The following UNC13C variants were observed in gnomAD, a reference collection of about 807,000 sequenced individuals.
The protein encoded by UNC13C is unc-13 homolog C.
UNC13C carries 174 observed loss-of-function variants against 245.4 expected under a neutral mutation model. The observed-to-expected ratio is 0.71, with a 90% confidence interval of 0.63 to 0.80. The LOEUF (loss-of-function observed/expected upper bound fraction) is 0.80, where lower values mean the gene tolerates loss of function less well. UNC13C is among the 30% of genes least tolerant of loss of function. The probability of loss-of-function intolerance (pLI) is 0.00; values close to 1 mark genes in which losing one functional copy is unlikely to be tolerated. For synonymous variants in UNC13C, 992 were observed against 895.1 expected (o/e 1.11, Z -1.93); for missense variants, 2,829 against 2,602.9 (o/e 1.09, Z -1.89).
chr15:54,499,928 G>C (rs1354930259), intron 20 of UNC13C, 151 bp from the exon 21 acceptor site: 2 of 609,586 alleles, frequency 3.3e-6, no homozygotes, highest in African/African-American at 3.9e-5. Context: ...ATGGAGAACA[G>C]GTAAAGGTCT....
At chr15:54,514,622 G>T (rs1894888531) in intron 24 of UNC13C, among the ~76,000 whole-genome samples, 1 of 152,180 alleles carries the variant, frequency 6.6e-6, no homozygotes, top group Admixed American at 6.5e-5. Flanking sequence ...CAAAGTGCTG[G>T]CTGCTTACAG....
At chr15:54,514,281 A>G (rs928763509) in intron 24 of UNC13C, among the ~76,000 whole-genome samples, 4 of 152,324 alleles carry the variant, frequency 2.6e-5, no homozygotes, top group Admixed American at 2.6e-4. Flanking sequence ...TGATACAGAC[A>G]TGTTCAGGGG....
chr15:53,908,594 C>T, the UNC13C span, among the ~76,000 whole-genome samples: 1 of 129,010 alleles, frequency 7.8e-6, no homozygotes, highest in African/African-American at 3.8e-5. Flanking sequence ...AACAAACAAA[C>T]ACAAAACATA....
At chr15:54,350,054 C>T (rs1290381331) in intron 17 of UNC13C, among the ~76,000 whole-genome samples, 1 of 151,878 alleles carries the variant, frequency 6.6e-6, no homozygotes, top group Non-Finnish European at 1.5e-5. Flanking sequence ...TGCAGTGGCA[C>T]GAACTGGGCT....
At chr15:54,096,106 T>A (rs768079669) in intron 2 of UNC13C, among the ~76,000 whole-genome samples, 4 of 152,162 alleles carry the variant, frequency 2.6e-5, no homozygotes, top group Admixed American at 6.5e-5. Flanking sequence ...GAATGCTGAA[T>A]TGGAGTTTGA....
At chr15:53,945,330 C>G in the UNC13C span, among the ~76,000 whole-genome samples, 1 of 152,096 alleles carries the variant, frequency 6.6e-6, no homozygotes, top group South Asian at 2.1e-4. Context: ...TTCCTATGTT[C>G]AGAATGGTAT....
chr15:54,315,427 C>G lies in UNC13C; in HGVS notation c.4269-6512C>G, dbSNP rs150603202. Reference sequence around the variant, plus strand: ...CAATCATCCTTTTATCAAGATTATCCTGATTCCAGTTTCCTGGGTTTACTT... The same window carrying G: ...CAATCATCCTTTTATCAAGATTATCGTGATTCCAGTTTCCTGGGTTTACTT... On this transcript the variant is annotated intron_variant, in intron 13 of 32. Coordinates refer to ENST00000260323, the MANE Select transcript of UNC13C (RefSeq NM_001080534.3). 8.4e-3 allele frequency among the ~76,000 whole-genome samples: 1,269 copies of G among 151,454 alleles called. 23 individuals are homozygous for G. Among genetic ancestry groups the G allele is most frequent in the African/African-American group, 0.03 (1,228 of 41,370 alleles).
rs554733181 is a variant in UNC13C, at chr15:54,215,831, A to G, written c.3072-19199A>G. On this transcript the variant is annotated intron_variant, in intron 4 of 32. Coordinates refer to ENST00000260323, the MANE Select transcript of UNC13C (RefSeq NM_001080534.3). ...GTCTCCTTTATTTGTCCTCCAATCC[A>G]TCATGAAAAGCACTGCCAGACTAGT... is the stretch of plus-strand genomic sequence containing the variant. Among the ~76,000 whole-genome samples the G allele has an allele frequency of 6.6e-5, 10 of 152,124 alleles. No homozygotes were observed. The South Asian group carries it at 2.1e-3, about 32-fold the overall frequency.
At chr15:53,908,265 T>G in the UNC13C span, among the ~76,000 whole-genome samples, 3 of 146,276 alleles carry the variant, frequency 2.1e-5, no homozygotes, top group African/African-American at 7.3e-5. Flanking sequence ...ATTTTTACCC[T>G]AGCAAACTTA....
chr15:54,419,982 CA>C (rs1567256535), intron 19 of UNC13C, among the ~76,000 whole-genome samples: 4 of 152,040 alleles, frequency 2.6e-5, no homozygotes, highest in Admixed American at 6.6e-5. Context: ...CTCCCTCTTA[CA>C]ACATACCCCC....
chr15:54,357,146 C>A (rs2039114391), intron 17 of UNC13C, among the ~76,000 whole-genome samples: 1 of 152,016 alleles, frequency 6.6e-6, no homozygotes, highest in African/African-American at 2.4e-5. Context: ...TTTTAAAAAT[C>A]TCATCCGATC....
intron 1 of UNC13C, among the ~76,000 whole-genome samples, chr15:54,006,987 C>T (rs573968317): frequency 2.6e-5 from 4 of 152,324 alleles, no homozygotes; most frequent in African/African-American, 9.6e-5. Flanking sequence ...TGATTCTGCC[C>T]TCCTACCTGA....
intron 29 of UNC13C, among the ~76,000 whole-genome samples, chr15:54,566,275 T>C (rs1897509200): frequency 2.0e-5 from 3 of 152,088 alleles, no homozygotes; most frequent in African/African-American, 7.2e-5. Context: ...TTAAATACTG[T>C]GTTTCTCAAA....
chr15:54,058,770 T>G (rs1357985673), intron 2 of UNC13C, among the ~76,000 whole-genome samples: 1 of 152,084 alleles, frequency 6.6e-6, no homozygotes, highest in South Asian at 2.1e-4. Context: ...ACCATGATCA[T>G]GTGGGCTTCA....
chr15:54,399,992 G>C (rs1229848219), intron 18 of UNC13C, among the ~76,000 whole-genome samples: 3 of 151,938 alleles, frequency 2.0e-5, no homozygotes, highest in African/African-American at 7.2e-5. Context: ...GTAGAGTCCT[G>C]TATATCCATT....
chr15:54,316,014 C>T (rs183796566), intron 13 of UNC13C, among the ~76,000 whole-genome samples: 1 of 151,938 alleles, frequency 6.6e-6, no homozygotes, highest in Admixed American at 6.6e-5. Context: ...TAAACTCATC[C>T]TCCTACATGC....
intron 16 of UNC13C, among the ~76,000 whole-genome samples, chr15:54,336,490 A>ATT (rs55945010): frequency 6.7e-6 from 1 of 149,236 alleles, no homozygotes. Flanking sequence ...CTACTTTATC[A>ATT]TTTTTTTTTT....
At chr15:54,314,368 C>T (rs1408201851) in intron 13 of UNC13C, among the ~76,000 whole-genome samples, 1 of 151,650 alleles carries the variant, frequency 6.6e-6, no homozygotes, top group East Asian at 1.9e-4. Flanking sequence ...TCAGCCATTC[C>T]ATATTGTATA....
Position 54,333,837 on chromosome 15 carries a change from TCA to T in UNC13C, c.4567_4568del (p.Thr1523LeufsTer3). On this transcript the variant is annotated frameshift_variant, in exon 16 of 33. Transcript: ENST00000260323. LOFTEE classifies it high-confidence loss of function. Reference sequence around the variant, plus strand: ...TCAACTGTTGACCTGTTAACAAGTATCACCTTTTTTAGGATGAAGGTATCTCA... The same window carrying T: ...TCAACTGTTGACCTGTTAACAAGTATCCTTTTTTAGGATGAAGGTATCTCA... 6.2e-7 allele frequency: 1 copy of T among 1,603,442 alleles called. No homozygotes were observed. The highest frequency in any genetic ancestry group is 8.5e-7 in the Non-Finnish European group (1 of 1,174,148).
Sources: allele counts gnomAD v4.1 joint callset (sites outside exome capture counted in the v4.1 genomes callset), GRCh38; gene constraint gnomAD v4.1.1; transcripts MANE v1.5; gene names NCBI Gene and HGNC (gene_info 2026-07-23, HGNC 2026-07-21).